Variants in NPIPB2 observed in about 807,000 individuals in gnomAD.
NPIPB2 encodes nuclear pore complex-interacting protein family member B2.
In NPIPB2, 27 loss-of-function variants were observed where a neutral mutation model predicts 30.8. That is an observed-to-expected ratio of 0.88 (90% CI 0.65 to 1.21). The LOEUF (loss-of-function observed/expected upper bound fraction) is 1.21, where lower values mean the gene tolerates loss of function less well. Among genes scored for constraint, NPIPB2 ranks in the 50% most tolerant of loss-of-function variants. NPIPB2 has a pLI of 0.00. For missense variants in NPIPB2, 440 were observed against 446.2 expected (o/e 0.99, Z 0.13); for synonymous variants, 147 against 162.0 (o/e 0.91, Z 0.70).
intron 1 of NPIPB2, among the ~76,000 whole-genome samples, chr16:11,971,873 G>A (rs1027042232): frequency 6.6e-6 from 1 of 152,126 alleles, no homozygotes; most frequent in Middle Eastern, 3.2e-3. Context: ...TCAGCCAGGC[G>A]TAGTGGCTCT....
At chr16:11,946,050 G>C (rs1596497869), upstream of NPIPB2, among the ~76,000 whole-genome samples, 1 of 150,310 alleles carries the variant, frequency 6.7e-6, no homozygotes, top group Non-Finnish European at 1.5e-5. Flanking sequence ...AAGAAAAAAA[G>C]AAAGAATGAA....
At chr16:11,947,771 TG>T (rs1174858926) in intron 1 of NPIPB2, among the ~76,000 whole-genome samples, 1 of 151,772 alleles carries the variant, frequency 6.6e-6, no homozygotes, top group East Asian at 1.9e-4. Flanking sequence ...TTACCCCTTG[TG>T]ATTTATTGGC....
upstream of NPIPB2, among the ~76,000 whole-genome samples, chr16:11,942,649 A>G (rs1448491208): frequency 2.0e-5 from 3 of 152,134 alleles, no homozygotes; most frequent in Admixed American, 2.0e-4. Context: ...ATTTCAAGAA[A>G]CAAAGTTCAT....
chr16:11,975,636 G>A (rs1033090584), intron 1 of NPIPB2, among the ~76,000 whole-genome samples: 1 of 151,868 alleles, frequency 6.6e-6, no homozygotes, highest in African/African-American at 2.4e-5. Context: ...TGTCACCCAG[G>A]CTGGAGTGCA....
intron 1 of NPIPB2, chr16:11,964,078 GA>G (rs1410343438): frequency 6.6e-6 from 1 of 150,676 alleles, no homozygotes; most frequent in Non-Finnish European, 1.5e-5. Flanking sequence ...TATGTAAACA[GA>G]AAAATGCACT....
At chr16:11,968,833 A>T (rs1319135599) in intron 1 of NPIPB2, 1 of 151,600 alleles carries the variant, frequency 6.6e-6, no homozygotes, top group East Asian at 1.9e-4. Context: ...AAAAAACAGC[A>T]TTCTGTAGAT....
intron 1 of NPIPB2, among the ~76,000 whole-genome samples, chr16:11,952,752 G>C (rs950179035): frequency 2.6e-5 from 4 of 151,676 alleles, no homozygotes; most frequent in African/African-American, 9.7e-5. Flanking sequence ...TTTTAGTAGA[G>C]ATAGGGTTTT....
intron 1 of NPIPB2, among the ~76,000 whole-genome samples, chr16:11,959,833 G>A (rs2055141087): frequency 6.6e-6 from 1 of 151,988 alleles, no homozygotes; most frequent in Non-Finnish European, 1.5e-5. Context: ...AAGTGCAGTA[G>A]CACACAACCA....
intron 1 of NPIPB2, among the ~76,000 whole-genome samples, chr16:11,969,727 C>T (rs969490424): frequency 2.0e-5 from 3 of 152,144 alleles, no homozygotes; most frequent in Non-Finnish European, 4.4e-5. Context: ...AATGTGTAAT[C>T]GCAAACTGTG....
chr16:11,956,059 T>C (rs1341329962), intron 1 of NPIPB2: 1 of 152,178 alleles, frequency 6.6e-6, no homozygotes, highest in Non-Finnish European at 1.5e-5. Context: ...TTGCCGCCAG[T>C]CATTAATCAT....
upstream of NPIPB2, among the ~76,000 whole-genome samples, chr16:11,942,529 T>C (rs1328421212): frequency 6.6e-6 from 1 of 151,916 alleles, no homozygotes; most frequent in African/African-American, 2.4e-5. Context: ...CTTATCTATA[T>C]CATCTTACTG....
At chr16:11,953,097 C>T (rs561854554) in intron 1 of NPIPB2, among the ~76,000 whole-genome samples, 2 of 152,082 alleles carry the variant, frequency 1.3e-5, no homozygotes, top group Admixed American at 6.6e-5. Flanking sequence ...ATTTATTTAA[C>T]CATTTGACGG....
intron 1 of NPIPB2, among the ~76,000 whole-genome samples, chr16:11,961,453 A>G (rs796138211): frequency 1.8e-4 from 28 of 152,220 alleles, no homozygotes; most frequent in African/African-American, 6.3e-4. Context: ...TTTTATTTTC[A>G]TGATTTTAGC....
intron 2 of NPIPB2, among the ~76,000 whole-genome samples, chr16:11,934,839 C>G (rs1275501271): frequency 2.6e-5 from 3 of 115,506 alleles, no homozygotes; most frequent in Non-Finnish European, 5.4e-5. Flanking sequence ...AGCCTGGTGA[C>G]AGAGTGAGAC....
intron 1 of NPIPB2, among the ~76,000 whole-genome samples, chr16:11,975,549 C>T (rs1314847808): frequency 6.6e-6 from 1 of 151,996 alleles, no homozygotes; most frequent in African/African-American, 2.4e-5. Flanking sequence ...TTTCTCCACC[C>T]TGCCCCCATT....
intron 1 of NPIPB2, among the ~76,000 whole-genome samples, chr16:11,938,519 T>C (rs1437294266): frequency 1.3e-5 from 2 of 151,412 alleles, no homozygotes; most frequent in Non-Finnish European, 2.9e-5. Flanking sequence ...TCTGTGGAGA[T>C]GGGGTTTTGC....
At chr16:11,974,409 C>T (rs148839658) in intron 1 of NPIPB2, among the ~76,000 whole-genome samples, 143 of 152,142 alleles carry the variant, frequency 9.4e-4, no homozygotes, top group Middle Eastern at 6.8e-3. Flanking sequence ...CCTACCTACT[C>T]GGGAGGCTGA....
rs139138051 is a variant in NPIPB2 at position 11,968,125 on chromosome 16, G to A, written c.-584+8443C>T. The A allele has an allele frequency of 2.3e-4, 84 of 368,866 alleles. No homozygotes were observed. In the East Asian group the frequency reaches 4.2e-3, roughly 18 times the overall value. The allele number at this position is 368,866 out of a possible 1,614,324, so 22.8% of individuals were successfully genotyped here. ...AAACAAGCATGTATACCAGTGTGGG[G>A]GGTGAGGGTGGGAGAGAAAGGTGGG... On this transcript the variant is annotated intron_variant, in intron 1 of 5. Transcript: ENST00000538896.
At chr16:11,960,059 G>T (rs1275057723) in intron 1 of NPIPB2, among the ~76,000 whole-genome samples, 1 of 152,170 alleles carries the variant, frequency 6.6e-6, no homozygotes, top group Non-Finnish European at 1.5e-5. Flanking sequence ...ACAGGTGTGA[G>T]CCACCGTGCC....
Sources: allele counts gnomAD v4.1 joint callset (sites outside exome capture counted in the v4.1 genomes callset), GRCh38; gene constraint gnomAD v4.1.1; transcripts MANE v1.5; gene names NCBI Gene and HGNC (gene_info 2026-07-23, HGNC 2026-07-21).